The following ELP4 variants were observed in gnomAD, a reference collection of about 807,000 sequenced individuals.
The protein encoded by ELP4 is elongator complex protein 4.
Under a neutral mutation model 48.9 loss-of-function variants are expected in ELP4, and 51 were observed. That is an observed-to-expected ratio of 1.04 (90% CI 0.83 to 1.32). The LOEUF (loss-of-function observed/expected upper bound fraction) is 1.32. ELP4 is among the 40% of genes most tolerant of loss of function. ELP4 has a pLI of 0.00. For synonymous variants in ELP4, 210 were observed against 189.2 expected, an observed-to-expected ratio of 1.11 and a Z score of -0.90; for missense variants, 519 against 514.6, an observed-to-expected ratio of 1.01 and a Z score of -0.08.
At chr11:31,570,945 G>C (rs1236272612) in intron 3 of ELP4, among the ~76,000 whole-genome samples, 1 of 150,666 alleles carries the variant, frequency 6.6e-6, no homozygotes, top group African/African-American at 2.4e-5. Context: ...GACTACAGGC[G>C]CACGCCAGCA....
intron 5 of ELP4, among the ~76,000 whole-genome samples, chr11:31,623,834 A>C (rs1051597944): frequency 6.7e-6 from 1 of 150,202 alleles, no homozygotes; most frequent in Non-Finnish European, 1.5e-5. Flanking sequence ...TTCATATTCA[A>C]AATATTAAGG....
chr11:31,560,703 A>T (rs1184162160), intron 3 of ELP4, among the ~76,000 whole-genome samples: 1 of 147,444 alleles, frequency 6.8e-6, no homozygotes, highest in African/African-American at 2.5e-5. Context: ...TATATATATA[A>T]AACAACGTTG....
At chr11:31,531,927 G>T (rs1420314637) in intron 2 of ELP4, among the ~76,000 whole-genome samples, 2 of 152,090 alleles carry the variant, frequency 1.3e-5, no homozygotes, top group African/African-American at 4.8e-5. Flanking sequence ...GAAGGAAGTG[G>T]ATGGATTTTA....
At chr11:31,686,570 C>T (rs1946166329) in intron 9 of ELP4, among the ~76,000 whole-genome samples, 1 of 152,080 alleles carries the variant, frequency 6.6e-6, no homozygotes, top group Non-Finnish European at 1.5e-5. Context: ...GATTACCAAT[C>T]AGATTTGTGT....
chr11:31,755,857 TC>T (rs1161523644), intron 9 of ELP4, among the ~76,000 whole-genome samples: 1 of 152,072 alleles, frequency 6.6e-6, no homozygotes, highest in Non-Finnish European at 1.5e-5. Flanking sequence ...CTTTGATACC[TC>T]CCTTTTTCTC....
At chr11:31,697,828 G>A (rs935891885) in intron 9 of ELP4, among the ~76,000 whole-genome samples, 1 of 152,010 alleles carries the variant, frequency 6.6e-6, no homozygotes, top group Non-Finnish European at 1.5e-5. Context: ...AGCAGCTGAT[G>A]AGATGAATAG....
intron 4 of ELP4, among the ~76,000 whole-genome samples, chr11:31,601,066 A>G (rs1018242275): frequency 6.6e-6 from 1 of 152,180 alleles, no homozygotes; most frequent in East Asian, 1.9e-4. Context: ...TTCTTACCTA[A>G]TAAGCTGACT....
chr11:31,625,267 G>A (rs926433628), intron 5 of ELP4, among the ~76,000 whole-genome samples: 2 of 151,514 alleles, frequency 1.3e-5, no homozygotes, highest in Non-Finnish European at 3.0e-5. Flanking sequence ...TTGTATACGT[G>A]GTCCATCATT....
chr11:31,542,078 A>G (rs1409419317), intron 3 of ELP4, among the ~76,000 whole-genome samples: 2 of 152,238 alleles, frequency 1.3e-5, no homozygotes, highest in Non-Finnish European at 2.9e-5. Context: ...AAAAACAAAA[A>G]ACAAACATAA....
At chr11:31,739,883 T>A (rs1164231788) in intron 9 of ELP4, among the ~76,000 whole-genome samples, 4 of 152,234 alleles carry the variant, frequency 2.6e-5, no homozygotes, top group African/African-American at 9.6e-5. Flanking sequence ...TTTACCTATT[T>A]ATCAGAATAT....
chr11:31,641,773 G>A (rs1945103122), intron 7 of ELP4, among the ~76,000 whole-genome samples: 1 of 151,790 alleles, frequency 6.6e-6, no homozygotes, highest in Non-Finnish European at 1.5e-5. Flanking sequence ...ACCTGCTCCT[G>A]ATGACAGGCT....
At chr11:31,719,249 G>A (rs537920254) in intron 9 of ELP4, among the ~76,000 whole-genome samples, 3 of 150,450 alleles carry the variant, frequency 2.0e-5, no homozygotes, top group African/African-American at 7.3e-5. Flanking sequence ...GACAGAGCAA[G>A]ACCCTGAAAA....
At chr11:31,632,987 A>G (rs931267377) in intron 7 of ELP4, 1 of 152,048 alleles carries the variant, frequency 6.6e-6, no homozygotes, top group African/African-American at 2.4e-5. Flanking sequence ...ATATAATCTT[A>G]TATATCTAAT....
chr11:31,603,699 G>A, intron 4 of ELP4, 69 bp from the exon 5 acceptor site: 1 of 1,499,144 alleles, frequency 6.7e-7, no homozygotes, highest in African/African-American at 1.4e-5. Flanking sequence ...TGTTTTGCTG[G>A]ATGTAGGACA....
chr11:31,592,437 G>A (rs1003817099), intron 3 of ELP4, among the ~76,000 whole-genome samples: 2 of 151,536 alleles, frequency 1.3e-5, no homozygotes, highest in Non-Finnish European at 2.9e-5. Flanking sequence ...ATCTACTCAG[G>A]AGGCTGAGGT....
At chr11:31,568,632 A>T (rs1565058120) in intron 3 of ELP4, among the ~76,000 whole-genome samples, 1 of 152,214 alleles carries the variant, frequency 6.6e-6, no homozygotes. Flanking sequence ...CCATACACTG[A>T]CAATCATCTG....
intron 9 of ELP4, among the ~76,000 whole-genome samples, chr11:31,774,891 A>G (rs1948214423): frequency 6.6e-6 from 1 of 152,196 alleles, no homozygotes; most frequent in Admixed American, 6.5e-5. Context: ...TCTCACATAA[A>G]GCCCAGTTAG....
chr11:31,531,619 A>G (rs1956397406), intron 2 of ELP4, among the ~76,000 whole-genome samples: 1 of 152,200 alleles, frequency 6.6e-6, no homozygotes, highest in Admixed American at 6.5e-5. Context: ...GTAGTTTGCT[A>G]TCCCTGGAAT....
At chr11:31,723,966 G>A (rs185499190) in intron 9 of ELP4, among the ~76,000 whole-genome samples, 267 of 152,294 alleles carry the variant, frequency 1.8e-3, no homozygotes, top group African/African-American at 6.1e-3. Flanking sequence ...GGTTGTCTAT[G>A]TGAAAGGCCT....
Sources: allele counts gnomAD v4.1 joint callset (sites outside exome capture counted in the v4.1 genomes callset), GRCh38; gene constraint gnomAD v4.1.1; transcripts MANE v1.5; gene names NCBI Gene and HGNC (gene_info 2026-07-23, HGNC 2026-07-21).